Variants in NRXN3 observed in about 807,000 individuals in gnomAD.
NRXN3 encodes neurexin III.
In NRXN3, 32 loss-of-function variants were observed where a neutral mutation model predicts 137.6. That is an observed-to-expected ratio of 0.23 (90% CI 0.18 to 0.31). The LOEUF is 0.31. Ranked by LOEUF, NRXN3 falls within the 10% of genes least tolerant of loss-of-function variation. NRXN3 has a pLI of 1.00. For synonymous variants in NRXN3, 798 were observed against 784.5 expected, an observed-to-expected ratio of 1.02 and a Z score of -0.29; for missense variants, 1,574 against 2,062.5, an observed-to-expected ratio of 0.76 and a Z score of 4.59.
At chr14:78,366,226 G>A (rs1006468862) in intron 4 of NRXN3, among the ~76,000 whole-genome samples, 3 of 152,154 alleles carry the variant, frequency 2.0e-5, no homozygotes, top group African/African-American at 7.2e-5. Context: ...CCAATAAATA[G>A]TAACAATTAT....
At chr14:78,641,284 GA>G (rs2097626380) in intron 4 of NRXN3, among the ~76,000 whole-genome samples, 1 of 152,162 alleles carries the variant, frequency 6.6e-6, no homozygotes, top group South Asian at 2.1e-4. Context: ...GGTCTTAGAA[GA>G]AAAATCATGT....
chr14:79,016,236 T>C (rs2099579019), intron 15 of NRXN3, among the ~76,000 whole-genome samples: 1 of 149,308 alleles, frequency 6.7e-6, no homozygotes, highest in South Asian at 2.1e-4. Flanking sequence ...CTTTTTATTG[T>C]ACACCTGGGC....
chr14:79,611,952 A>T (rs1294411204), intron 16 of NRXN3: 1 of 152,240 alleles, frequency 6.6e-6, no homozygotes, highest in African/African-American at 2.4e-5. Context: ...GACATTAATT[A>T]TTAAGGCAAT....
At chr14:78,866,434 A>G (rs997844249) in intron 10 of NRXN3, among the ~76,000 whole-genome samples, 8 of 152,214 alleles carry the variant, frequency 5.3e-5, no homozygotes, top group African/African-American at 1.9e-4. Flanking sequence ...AAGTCTGATT[A>G]AATCTGGAAG....
intron 15 of NRXN3, among the ~76,000 whole-genome samples, chr14:79,026,948 TTTTATATATATATATATATA>T (rs1452565741): frequency 5.7e-5 from 5 of 87,796 alleles, no homozygotes; most frequent in African/African-American, 2.0e-4. Flanking sequence ...ACTATTATAA[TTTTATATATATATATATATA>T]TATATATATA....
At chr14:78,944,040 G>C (rs568407032) in intron 10 of NRXN3, among the ~76,000 whole-genome samples, 1 of 152,214 alleles carries the variant, frequency 6.6e-6, no homozygotes, top group South Asian at 2.1e-4. Flanking sequence ...GGTTAGGAGG[G>C]AAGTGGAGCT....
At chr14:79,497,863 C>T (rs1001900940) in intron 16 of NRXN3, among the ~76,000 whole-genome samples, 14 of 152,034 alleles carry the variant, frequency 9.2e-5, no homozygotes, top group African/African-American at 3.1e-4. Context: ...AGTGAAACCC[C>T]GTCTCTACTA....
chr14:79,555,796 C>T (rs556898147), intron 16 of NRXN3, among the ~76,000 whole-genome samples: 25 of 152,294 alleles, frequency 1.6e-4, no homozygotes, highest in African/African-American at 6.0e-4. Context: ...ATAACACACA[C>T]TTGGATTCCG....
chr14:79,615,810 G>A (rs544805585), intron 16 of NRXN3, among the ~76,000 whole-genome samples: 2 of 152,276 alleles, frequency 1.3e-5, no homozygotes, highest in East Asian at 1.9e-4. Flanking sequence ...AATACGTGGG[G>A]ATTATGGGAA....
intron 19 of NRXN3, among the ~76,000 whole-genome samples, chr14:79,726,132 G>C (rs1311783851): frequency 6.6e-6 from 1 of 152,070 alleles, no homozygotes; most frequent in African/African-American, 2.4e-5. Context: ...CAGAGACTTA[G>C]GCTAATTTTT....
intron 15 of NRXN3, among the ~76,000 whole-genome samples, chr14:79,145,523 G>A (rs183766893): frequency 7.4e-4 from 112 of 152,150 alleles, no homozygotes; most frequent in Middle Eastern, 6.8e-3. Flanking sequence ...TTAATGAGCC[G>A]TTGTAGAGCC....
chr14:79,496,214 TTC>T (rs149328690), intron 16 of NRXN3, among the ~76,000 whole-genome samples: 82 of 144,494 alleles, frequency 5.7e-4, no homozygotes, highest in East Asian at 1.0e-3. Context: ...TTGAACTTAA[TTC>T]TCTCTCTCTC....
chr14:78,709,776 C>T (rs1397183571), intron 7 of NRXN3, 121 bp downstream of exon 7: 3 of 858,634 alleles, frequency 3.5e-6, no homozygotes, highest in Non-Finnish European at 5.3e-6. Context: ...TTGCTACTCT[C>T]TTTAATGGCT....
chr14:79,723,918 C>A (rs2098861643), intron 19 of NRXN3, among the ~76,000 whole-genome samples: 1 of 152,080 alleles, frequency 6.6e-6, no homozygotes, highest in African/African-American at 2.4e-5. Context: ...AATGAACATC[C>A]AGGCTATGCC....
intron 4 of NRXN3, among the ~76,000 whole-genome samples, chr14:78,351,782 C>CTTTTT (rs11423743): frequency 1.6e-5 from 2 of 127,868 alleles, no homozygotes; most frequent in South Asian, 5.0e-4. Context: ...TGGTATTTTT[C>CTTTTT]TTTTTTTTTT....
intron 1 of NRXN3, among the ~76,000 whole-genome samples, chr14:78,183,072 T>C (rs2059951649): frequency 6.6e-6 from 1 of 152,100 alleles, no homozygotes. Flanking sequence ...ATTGGCCTCT[T>C]GTTCTGGGCC....
chr14:79,805,334 G>T, intron 20 of NRXN3, 144 bp downstream of exon 20: 2 of 370,330 alleles, frequency 5.4e-6, no homozygotes, highest in Non-Finnish European at 9.6e-6. Context: ...ATATGTATAA[G>T]TATACATATA....
In NRXN3 at chr14:79,339,555, G is replaced by A. The variant is rs904185415; in HGVS notation, c.3263-127666G>A. 2.0e-5 allele frequency among the ~76,000 whole-genome samples: 3 copies of A among 152,208 alleles called. No homozygotes were observed. In the East Asian group the frequency reaches 5.8e-4, roughly 29 times the overall value. The stretch of plus-strand genomic sequence containing the variant: ...TATGCTCCCTGGACCACCTGCATTA[G>A]CATCACCTGAGACCTTGTTGGAAAT... On this transcript the variant is annotated intron_variant, in intron 15 of 20. Transcript: ENST00000335750.
At chr14:78,377,584 CA>C (rs2088132215) in intron 4 of NRXN3, among the ~76,000 whole-genome samples, 1 of 152,194 alleles carries the variant, frequency 6.6e-6, no homozygotes, top group Admixed American at 6.5e-5. Context: ...GTGGCTTAAA[CA>C]ATGTAAATTT....
Sources: allele counts gnomAD v4.1 joint callset (sites outside exome capture counted in the v4.1 genomes callset), GRCh38; gene constraint gnomAD v4.1.1; transcripts MANE v1.5; gene names NCBI Gene and HGNC (gene_info 2026-07-23, HGNC 2026-07-21).